NME7: variants seen among roughly 807,000 people sequenced by gnomAD.
NME7 encodes nucleoside diphosphate kinase 7.
Under a neutral mutation model 49.1 loss-of-function variants are expected in NME7, and 41 were observed. The ratio of observed to expected loss-of-function variants is 0.83; its 90% CI spans 0.65 to 1.08. The LOEUF is 1.08. Among genes scored for constraint, NME7 ranks in the 50% least tolerant of loss-of-function variants. The pLI, the probability that NME7 is intolerant of heterozygous loss-of-function variation, is 0.00. For missense variants in NME7, 423 were observed against 463.4 expected (o/e 0.91, Z 0.80); for synonymous variants, 139 against 150.6 (o/e 0.92, Z 0.56).
chr1:169,328,940 T>A (rs1257531208), intron 1 of NME7, among the ~76,000 whole-genome samples: 1 of 152,168 alleles, frequency 6.6e-6, no homozygotes, highest in African/African-American at 2.4e-5. Flanking sequence ...CATGCCAAGA[T>A]TGCAGACTAC....
At chr1:169,313,493 G>A (rs1651493244) in intron 3 of NME7, among the ~76,000 whole-genome samples, 1 of 152,116 alleles carries the variant, frequency 6.6e-6, no homozygotes, top group African/African-American at 2.4e-5. Flanking sequence ...CATACAGACT[G>A]CTAATGCCTA....
intron 2 of NME7, among the ~76,000 whole-genome samples, 156 bp downstream of exon 2, chr1:169,324,237 T>G (rs1651965704): frequency 6.6e-6 from 1 of 152,110 alleles, no homozygotes; most frequent in Non-Finnish European, 1.5e-5. Flanking sequence ...CTTCTTATAT[T>G]GGAATTATAA....
chr1:169,310,594 T>C (rs976098741), intron 3 of NME7: 3 of 152,976 alleles, frequency 2.0e-5, no homozygotes, highest in African/African-American at 7.2e-5. Flanking sequence ...TATACAACAA[T>C]GTATATGAAT....
At chr1:169,182,521 C>G (rs72706922) in intron 10 of NME7, among the ~76,000 whole-genome samples, 1 of 152,128 alleles carries the variant, frequency 6.6e-6, no homozygotes, top group Non-Finnish European at 1.5e-5. Flanking sequence ...CACACAGATT[C>G]TATTTCTTTA....
chr1:169,301,564 TTACTGGGTATA>T (rs1239468632), intron 5 of NME7, among the ~76,000 whole-genome samples: 1 of 152,122 alleles, frequency 6.6e-6, no homozygotes, highest in African/African-American at 2.4e-5. Context: ...AGCAATTCCA[TTACTGGGTATA>T]TACCCAAAAG....
chr1:169,323,054 A>C, intron 3 of NME7, 63 bp downstream of exon 3: 1 of 1,344,496 alleles, frequency 7.4e-7, no homozygotes. Context: ...CCCAGTCTTG[A>C]TTCAGATTGA....
At chr1:169,303,037 G>T in intron 5 of NME7, 108 bp downstream of exon 5, 2 of 650,814 alleles carry the variant, frequency 3.1e-6, no homozygotes, top group Non-Finnish European at 5.4e-6. Flanking sequence ...ATGTTGCTAT[G>T]GCCCTTTTGA....
At chr1:169,310,883 ATTAT>A (rs1651355813) in intron 3 of NME7, 5 of 152,206 alleles carry the variant, frequency 3.3e-5, no homozygotes, top group Non-Finnish European at 7.3e-5. Flanking sequence ...TACTATTAAT[ATTAT>A]TAAAAAGGGG....
At chr1:169,194,908 T>C (rs1016496927) in intron 10 of NME7, among the ~76,000 whole-genome samples, 3 of 152,164 alleles carry the variant, frequency 2.0e-5, no homozygotes, top group Non-Finnish European at 2.9e-5. Flanking sequence ...AACTGGAATA[T>C]TATACAACTA....
chr1:169,280,010 C>T (rs1390600050), intron 7 of NME7, among the ~76,000 whole-genome samples: 4 of 152,122 alleles, frequency 2.6e-5, no homozygotes, highest in Non-Finnish European at 5.9e-5. Flanking sequence ...ATGGTATTTC[C>T]AATTCTAGAT....
At chr1:169,211,645 T>C (rs1471377182) in intron 10 of NME7, among the ~76,000 whole-genome samples, 3 of 152,150 alleles carry the variant, frequency 2.0e-5, no homozygotes, top group African/African-American at 7.2e-5. Context: ...CAATATGATA[T>C]AATGGTTAAA....
rs1157161434 is a variant in NME7, at chr1:169,261,068, G to GA, written c.755-23382dup. Among the ~76,000 whole-genome samples the GA allele has an allele frequency of 9.0e-4, 105 of 116,754 alleles. 8 individuals are homozygous for GA. In the East Asian group the frequency reaches 0.014, roughly 15 times the overall value. 76.6% of individuals were successfully genotyped at this position (116,754 alleles called of 152,430 possible). A position where few individuals can be genotyped will look rare whatever the true frequency, so the allele number is the denominator to read the frequency against. The stretch of plus-strand genomic sequence containing the variant: ...CACCGTGACTCTGAATCTTAAAATA[G>GA]AAAAAAAAAAGTGAAAAACAGGAAT... On this transcript the variant is annotated intron_variant, in intron 7 of 11. Transcript: ENST00000367811.
intron 6 of NME7, among the ~76,000 whole-genome samples, chr1:169,294,967 G>C (rs1650651582): frequency 6.6e-6 from 1 of 152,044 alleles, no homozygotes; most frequent in South Asian, 2.1e-4. Flanking sequence ...CCTCCAAGGT[G>C]AGCGAATTTT....
At chr1:169,238,218 A>G (rs1387490967) in intron 7 of NME7, among the ~76,000 whole-genome samples, 6 of 152,012 alleles carry the variant, frequency 3.9e-5, no homozygotes, top group Admixed American at 3.9e-4. Context: ...AAGTATGAGC[A>G]TATTTAAAAG....
intron 3 of NME7, among the ~76,000 whole-genome samples, chr1:169,319,162 A>C (rs1268838627): frequency 2.6e-5 from 4 of 152,074 alleles, no homozygotes; most frequent in African/African-American, 9.7e-5. Flanking sequence ...ATAATACCTG[A>C]ACACTGAAGT....
intron 3 of NME7, 141 bp from the exon 4 acceptor site, chr1:169,310,221 C>T (rs1651333581): frequency 1.8e-6 from 1 of 550,612 alleles, no homozygotes; most frequent in Non-Finnish European, 3.1e-6. Flanking sequence ...GTATTAAAGA[C>T]ATCCCTTAAA....
In NME7 at chr1:169,323,119, T is replaced by C. The variant is rs1353593957; in HGVS notation, c.276A>G (p.Glu92=). The change falls in exon 3 of 12, where the codon GAA becomes GAG. Residue 92 remains glutamate, a splice_region_variant and synonymous_variant. Coordinates refer to ENST00000367811, the MANE Select transcript of NME7 (RefSeq NM_013330.5). ...AGATTATATAATTGTTTTCTTACTT[T>C]TCTTTCCTACTGCCCAGCTGGCGAG... ...YTARQLGSRK[E]KTLALIKPDA... The C allele has an allele frequency of 6.4e-7, 1 of 1,550,932 alleles. No individual in the cohort carries two copies. Among genetic ancestry groups the C allele is most frequent in the South Asian group, 1.3e-5 (1 of 77,946 alleles).
intron 11 of NME7, among the ~76,000 whole-genome samples, chr1:169,159,864 C>A (rs1659192407): frequency 6.6e-6 from 1 of 152,174 alleles, no homozygotes; most frequent in Admixed American, 6.5e-5. Context: ...CTTTGGTTCA[C>A]AAACTTCCCT....
intron 10 of NME7, among the ~76,000 whole-genome samples, chr1:169,217,965 C>T (rs1285305315): frequency 1.3e-5 from 2 of 152,114 alleles, no homozygotes; most frequent in African/African-American, 4.8e-5. Flanking sequence ...CCCACACCAC[C>T]ACCACCCAAA....
Sources: allele counts gnomAD v4.1 joint callset (sites outside exome capture counted in the v4.1 genomes callset), GRCh38; gene constraint gnomAD v4.1.1; transcripts MANE v1.5; gene names NCBI Gene and HGNC (gene_info 2026-07-23, HGNC 2026-07-21).